XIST: variants seen among roughly 807,000 people sequenced by gnomAD.
The protein encoded by XIST is X inactive specific transcript (non-protein coding).
At chrX:73,851,880 C>T (rs750069648) in exon 1 of XIST, 2 of 558,689 alleles carry the variant, frequency 3.6e-6, no homozygotes, top group Non-Finnish European at 6.5e-6. Flanking sequence ...GAGTCATTCT[C>T]TGCCAAAGCG....
At chrX:73,822,905 AAC>A (rs369674169) in exon 6 of XIST, 23 of 556,954 alleles carry the variant, frequency 4.1e-5, no homozygotes, top group African/African-American at 1.8e-4. Flanking sequence ...CAACTAAAGA[AAC>A]ACAGTCTCTT....
At chrX:73,852,415 A>C (rs1922975089) in exon 1 of XIST, 1 of 547,758 alleles carries the variant, frequency 1.8e-6, no homozygotes, top group Non-Finnish European at 3.3e-6. Context: ...AAGAGTAAAA[A>C]ACTGATCCAC....
chrX:73,837,540 A>G (rs1246439017), intron 1 of XIST: 27 of 500,659 alleles, frequency 5.4e-5, no homozygotes, highest in Non-Finnish European at 7.8e-5. Flanking sequence ...AAAACTAAGG[A>G]AATCTGAATA....
At chrX:73,849,832 G>C in exon 1 of XIST, 1 of 509,974 alleles carries the variant, frequency 2.0e-6, no homozygotes, top group Non-Finnish European at 3.5e-6. Flanking sequence ...AACTAGGACT[G>C]GGACTGGGGC....
At chrX:73,852,515 A>C (rs1397363075) in exon 1 of XIST, 2 of 539,961 alleles carry the variant, frequency 3.7e-6, no homozygotes, top group Non-Finnish European at 6.6e-6. Flanking sequence ...TACTTTCTTT[A>C]AAAAAATATG....
At chrX:73,843,665 G>T (rs1371223637) in exon 1 of XIST, 1 of 558,455 alleles carries the variant, frequency 1.8e-6, no homozygotes, top group East Asian at 3.2e-5. Context: ...CTAAAGCAAA[G>T]GTGGTACAGG....
At chrX:73,837,417 A>C in intron 2 of XIST, 1 of 475,914 alleles carries the variant, frequency 2.1e-6, no homozygotes, top group Non-Finnish European at 3.7e-6. Context: ...TCAAAAACAA[A>C]GAGTCTGAGA....
exon 6 of XIST, chrX:73,822,316 G>A: frequency 1.8e-6 from 1 of 556,585 alleles, no homozygotes; most frequent in Non-Finnish European, 3.2e-6. Context: ...GGCCAGAGTG[G>A]TAGAAGAGAT....
At chrX:73,831,960 A>C (rs1202462656) in intron 3 of XIST, among the ~76,000 whole-genome samples, 1 of 112,157 alleles carries the variant, frequency 8.9e-6, no homozygotes, top group African/African-American at 3.2e-5. Context: ...TTTCTTCAAC[A>C]ACCTGTATAA....
chrX:73,835,530 T>G (rs1285276714), intron 2 of XIST, among the ~76,000 whole-genome samples: 1 of 112,313 alleles, frequency 8.9e-6, no homozygotes, highest in Admixed American at 9.4e-5. Flanking sequence ...TAGTTATCTA[T>G]TAACTACTAA....
exon 1 of XIST, chrX:73,847,103 T>G: frequency 1.8e-6 from 1 of 559,273 alleles, no homozygotes; most frequent in Non-Finnish European, 3.2e-6. Flanking sequence ...TCTTAAGTAG[T>G]AGGTACTTCC....
exon 1 of XIST, chrX:73,843,563 T>A (rs1922655115): frequency 1.8e-6 from 1 of 558,928 alleles, no homozygotes; most frequent in African/African-American, 2.2e-5. Context: ...TATGTGGAGA[T>A]CAACTCTTAG....
exon 6 of XIST, chrX:73,825,226 G>A (rs1400317675): frequency 1.8e-6 from 1 of 558,469 alleles, no homozygotes; most frequent in Non-Finnish European, 3.2e-6. Context: ...TCTGATACCT[G>A]GAATACTGCA....
chrX:73,835,653 A>G (rs187499997), intron 2 of XIST, among the ~76,000 whole-genome samples: 1 of 112,161 alleles, frequency 8.9e-6, no homozygotes, highest in African/African-American at 3.2e-5. Flanking sequence ...CCTAAATAGT[A>G]CATAATAATA....
chrX:73,825,688 CTAAAG>C (rs1324200803), exon 6 of XIST: 17 of 513,212 alleles, frequency 3.3e-5, no homozygotes, highest in Non-Finnish European at 4.9e-5. Context: ...GGCCCACAGT[CTAAAG>C]TATTTATGAT....
exon 6 of XIST, chrX:73,826,477 T>A: frequency 3.6e-6 from 2 of 559,137 alleles, no homozygotes; most frequent in Non-Finnish European, 6.5e-6. Context: ...AAAGCTGTGA[T>A]TTAAAGCTGG....
chrX:73,825,394 T>C (rs751414497), exon 6 of XIST: 39 of 556,548 alleles, frequency 7.0e-5, no homozygotes, highest in Non-Finnish European at 1.1e-4. Context: ...CCACAACGCT[T>C]ATCACAGTAG....
At position 73,826,767 on chromosome X, in the gene XIST, G is replaced by A. The variant is rs990581403; in HGVS notation, n.13134C>T. 5.4e-6 allele frequency: 3 copies of A among 558,540 alleles called. No individual in the cohort carries two copies. The Admixed American group carries it at 6.6e-5, about 12-fold the overall frequency. The allele number at this position is 558,540 out of a possible 1,213,427, so 46.0% of individuals were successfully genotyped here. A position where few individuals can be genotyped will look rare whatever the true frequency, so the allele number is the denominator to read the frequency against. ...TTCGCTTGGGTCCTCTATCCATCTA[G>A]GTAGGCTTTGTGACAGGGGCCTTCC... On this transcript the variant is annotated non_coding_transcript_exon_variant, in exon 6 of 6. Coordinates refer to ENST00000429829, the Ensembl canonical transcript of XIST.
chrX:73,846,848 A>G (rs1007508992), exon 1 of XIST: 2 of 559,283 alleles, frequency 3.6e-6, no homozygotes, highest in Non-Finnish European at 6.5e-6. Context: ...AAGGGGCCTT[A>G]AGTGAATAGT....
Sources: allele counts gnomAD v4.1 joint callset (sites outside exome capture counted in the v4.1 genomes callset), GRCh38; gene constraint gnomAD v4.1.1; transcripts MANE v1.5; gene names NCBI Gene and HGNC (gene_info 2026-07-23, HGNC 2026-07-21).